Variants in SLC25A19 observed in about 807,000 individuals in gnomAD.
SLC25A19 encodes the protein solute carrier family 25 member 19.
A neutral mutation model predicts 27.9 loss-of-function variants in SLC25A19; 18 were observed. That is an observed-to-expected ratio of 0.64 (90% CI 0.45 to 0.96). SLC25A19 has a LOEUF of 0.96. Among genes scored for constraint, SLC25A19 ranks in the 40% least tolerant of loss-of-function variants. The pLI is 0.00. For synonymous variants in SLC25A19, 169 were observed against 167.1 expected (o/e 1.01, Z -0.09); for missense variants, 371 against 418.3 (o/e 0.89, Z 0.99).
intron 4 of SLC25A19, among the ~76,000 whole-genome samples, 197 bp from the exon 5 acceptor site, chr17:75,283,790 C>G (rs1598193020): frequency 6.6e-6 from 1 of 152,296 alleles, no homozygotes; most frequent in African/African-American, 2.4e-5. Flanking sequence ...CCATTTGATA[C>G]TTGAGTAGAG....
intron 4 of SLC25A19, among the ~76,000 whole-genome samples, chr17:75,283,851 C>T (rs1444822886): frequency 6.6e-6 from 1 of 151,712 alleles, no homozygotes; most frequent in East Asian, 1.9e-4. Context: ...TGCAGTGGCT[C>T]ACACTTGTAA....
At chr17:75,274,734 G>A (rs1222581790) in intron 7 of SLC25A19, among the ~76,000 whole-genome samples, 1 of 151,992 alleles carries the variant, frequency 6.6e-6, no homozygotes, top group Non-Finnish European at 1.5e-5. Flanking sequence ...TTGAGCCCAG[G>A]AGTTCGAGAC....
intron 2 of SLC25A19, among the ~76,000 whole-genome samples, chr17:75,287,827 A>G (rs1033476994): frequency 6.6e-6 from 1 of 152,186 alleles, no homozygotes; most frequent in African/African-American, 2.4e-5. Flanking sequence ...ACCCCGGCAC[A>G]GTGGGGCCAT....
rs2079617342 is a variant in SLC25A19, at chr17:75,289,390, G to GC, written c.-166dup. ...GGTGCGGCCCGGCTCAGCGCTCTCC[G>GC]CTCTCTCTAGCTCCTCGCGCAGTCT... On this transcript the variant is annotated 5_prime_UTR_variant, in exon 1 of 8. Transcript: ENST00000416858. 1 of 152,122 alleles carries GC rather than the reference G, an allele frequency of 6.6e-6. No individual in the cohort carries two copies. Among genetic ancestry groups the GC allele is most frequent in the South Asian group, 2.1e-4 (1 of 4,824 alleles). 9.4% of individuals were successfully genotyped at this position (152,122 alleles called of 1,614,324 possible). A position where few individuals can be genotyped will look rare whatever the true frequency, so the allele number is the denominator to read the frequency against.
chr17:75,288,753 T>C (rs2078241916), intron 1 of SLC25A19, among the ~76,000 whole-genome samples, 162 bp from the exon 2 acceptor site: 1 of 149,674 alleles, frequency 6.7e-6, no homozygotes, highest in South Asian at 2.1e-4. Flanking sequence ...GGAGGGGAGA[T>C]ACTACCTACA....
At chr17:75,281,759 T>G (rs529081075) in intron 5 of SLC25A19, among the ~76,000 whole-genome samples, 47 of 152,162 alleles carry the variant, frequency 3.1e-4, no homozygotes, top group Middle Eastern at 3.4e-3. Context: ...AGCAATAAAT[T>G]CTCAAGTGGG....
intron 5 of SLC25A19, among the ~76,000 whole-genome samples, chr17:75,280,079 T>G (rs1234899911): frequency 6.6e-6 from 1 of 152,160 alleles, no homozygotes. Context: ...AAAATTATTG[T>G]TTATAAGCCA....
intron 7 of SLC25A19, 185 bp from the exon 8 acceptor site, chr17:75,273,824 A>G (rs375430824): frequency 6.3e-5 from 37 of 591,658 alleles, no homozygotes; most frequent in South Asian, 3.3e-4. Flanking sequence ...GCAGTGGCAC[A>G]ATCTTGGCTC....
At chr17:75,278,497 A>G (rs1389161058) in intron 5 of SLC25A19, among the ~76,000 whole-genome samples, 162 bp from the exon 6 acceptor site, 1 of 152,130 alleles carries the variant, frequency 6.6e-6, no homozygotes, top group African/African-American at 2.4e-5. Flanking sequence ...GATTCGAAGG[A>G]TGGCATTTTC....
At chr17:75,287,294 A>G (rs1252744086) in intron 2 of SLC25A19, 1 of 159,340 alleles carries the variant, frequency 6.3e-6, no homozygotes, top group Non-Finnish European at 1.3e-5. Flanking sequence ...TTTTGTAGAG[A>G]TAAGGTCTCA....
intron 5 of SLC25A19, among the ~76,000 whole-genome samples, chr17:75,278,748 T>C (rs1205065862): frequency 6.6e-6 from 1 of 151,886 alleles, no homozygotes; most frequent in Non-Finnish European, 1.5e-5. Flanking sequence ...TTGGGGAGGC[T>C]GAGGCAGGCA....
intron 5 of SLC25A19, among the ~76,000 whole-genome samples, chr17:75,282,652 G>A (rs183170072): frequency 1.8e-3 from 269 of 152,042 alleles, no homozygotes; most frequent in African/African-American, 5.9e-3. Flanking sequence ...TCAGGAGATC[G>A]AGACCATCCT....
rs548950122 is a variant in SLC25A19 at position 75,286,819 on chromosome 17, C to T, written c.-38-17G>A. ...AGTATCAAGCTAAATGCAAGAGATA[C>T]GGAATAAACACCAGGCAAGTTTCTT... On this transcript the variant is annotated splice_polypyrimidine_tract_variant and intron_variant, in intron 2 of 7. Transcript: ENST00000416858. The T allele has an allele frequency of 1.4e-5, 22 of 1,610,324 alleles. No homozygotes were observed. Among genetic ancestry groups the T allele is most frequent in the South Asian group, 2.2e-5 (2 of 90,662 alleles).
At chr17:75,283,853 C>T (rs1376715877) in intron 4 of SLC25A19, among the ~76,000 whole-genome samples, 2 of 151,570 alleles carry the variant, frequency 1.3e-5, no homozygotes, top group Non-Finnish European at 1.5e-5. Context: ...CAGTGGCTCA[C>T]ACTTGTAATC....
In SLC25A19 at chr17:75,273,277, A is replaced by T. The variant is rs2077774010; in HGVS notation, c.*174T>A. On this transcript the variant is annotated 3_prime_UTR_variant, in exon 8 of 8. Transcript: ENST00000416858. ...GTCCTGCATTCCCTCTGATTCTCTCATGGGGAGAGCCCTGGACCTTCTGGT... is the reference window on the plus strand; with the variant it reads ...GTCCTGCATTCCCTCTGATTCTCTCTTGGGGAGAGCCCTGGACCTTCTGGT... 1.5e-6 allele frequency: 1 copy of T among 647,968 alleles called. No homozygotes were observed. The highest frequency in any genetic ancestry group is 2.7e-6 in the Non-Finnish European group (1 of 373,824). The allele number at this position is 647,968 out of a possible 1,614,324, so 40.1% of individuals were successfully genotyped here.
intron 5 of SLC25A19, among the ~76,000 whole-genome samples, chr17:75,280,862 C>G (rs1598187183): frequency 6.7e-6 from 1 of 150,184 alleles, no homozygotes; most frequent in East Asian, 2.0e-4. Context: ...TCACTTGAAT[C>G]TGGGAGGCGG....
intron 7 of SLC25A19, among the ~76,000 whole-genome samples, chr17:75,274,822 T>C (rs904668751): frequency 2.0e-5 from 3 of 151,890 alleles, no homozygotes; most frequent in African/African-American, 7.3e-5. Flanking sequence ...TCAGGACAAG[T>C]TGGTAAGTGG....
chr17:75,278,330 A>G lies in SLC25A19; in HGVS notation c.465T>C (p.Tyr155=). The G allele has an allele frequency of 6.2e-7, 1 of 1,614,102 alleles. No individual in the cohort carries two copies. Among genetic ancestry groups the G allele is most frequent in the Admixed American group, 1.7e-5 (1 of 60,010 alleles). The stretch of plus-strand genomic sequence containing the variant: ...TCCCCACGGCGTGGCGCAGCGTATT[A>G]TAGACCTGGACACACACACGCACTT... ...RFAAQGEPKV[Y]NTLRHAVGTM... is the part of the protein sequence containing the mutation. The change falls in exon 6 of 8, where the codon TAT becomes TAC. Residue 155 remains tyrosine (Y), a synonymous_variant. Coordinates refer to ENST00000416858, the MANE Select transcript of SLC25A19 (RefSeq NM_001126121.2).
chr17:75,278,005 T>C, intron 6 of SLC25A19, 147 bp downstream of exon 6: 1 of 774,634 alleles, frequency 1.3e-6, no homozygotes, highest in Non-Finnish European at 2.2e-6. Flanking sequence ...GCAGCTGCAG[T>C]TGTTTTGTTT....
Sources: allele counts gnomAD v4.1 joint callset (sites outside exome capture counted in the v4.1 genomes callset), GRCh38; gene constraint gnomAD v4.1.1; transcripts MANE v1.5; gene names NCBI Gene and HGNC (gene_info 2026-07-23, HGNC 2026-07-21).